Variants in CA10 observed in about 807,000 individuals in gnomAD.
CA10 encodes the protein carbonic anhydrase 10 (inactive).
A neutral mutation model predicts 44.2 loss-of-function variants in CA10; 14 were observed. The ratio of observed to expected loss-of-function variants is 0.32; its 90% CI spans 0.21 to 0.50. CA10 has a LOEUF of 0.50. CA10 is among the 20% of genes least tolerant of loss of function. CA10 has a pLI of 0.99. For missense variants in CA10, 350 were observed against 409.7 expected (o/e 0.85, Z 1.26); for synonymous variants, 159 against 141.6 (o/e 1.12, Z -0.87).
At chr17:51,804,378 T>C (rs955853257) in intron 3 of CA10, among the ~76,000 whole-genome samples, 5 of 152,216 alleles carry the variant, frequency 3.3e-5, no homozygotes, top group Non-Finnish European at 5.9e-5. Flanking sequence ...TGCTGCTCGC[T>C]TACTGAGCTC....
At chr17:52,153,263 T>C (rs1989740528) in intron 1 of CA10, among the ~76,000 whole-genome samples, 1 of 152,168 alleles carries the variant, frequency 6.6e-6, no homozygotes, top group Non-Finnish European at 1.5e-5. Context: ...CATGGGAAAC[T>C]GGATTTAAAG....
chr17:52,146,450 G>T (rs541338162), intron 1 of CA10, among the ~76,000 whole-genome samples: 1 of 152,036 alleles, frequency 6.6e-6, no homozygotes, highest in Non-Finnish European at 1.5e-5. Flanking sequence ...CAGCACTTTG[G>T]GAGGCTGAGG....
chr17:51,820,550 T>A (rs538988426), intron 3 of CA10, among the ~76,000 whole-genome samples: 2 of 152,034 alleles, frequency 1.3e-5, no homozygotes, highest in African/African-American at 4.8e-5. Flanking sequence ...ACCCATTTCC[T>A]GTATTCTGAA....
At chr17:51,949,678 T>A (rs1411260771) in intron 2 of CA10, among the ~76,000 whole-genome samples, 1 of 152,120 alleles carries the variant, frequency 6.6e-6, no homozygotes, top group Non-Finnish European at 1.5e-5. Context: ...CAGAGTCTTA[T>A]AAAGCAGGAG....
intron 3 of CA10, among the ~76,000 whole-genome samples, chr17:51,822,738 T>C (rs1555603158): frequency 6.6e-6 from 1 of 152,214 alleles, no homozygotes; most frequent in Non-Finnish European, 1.5e-5. Flanking sequence ...GACTTGGTCA[T>C]GGGTCCCTCT....
chr17:51,677,396 C>G (rs75659221), intron 4 of CA10, among the ~76,000 whole-genome samples: 6 of 151,972 alleles, frequency 3.9e-5, no homozygotes, highest in Non-Finnish European at 7.4e-5. Flanking sequence ...TGCTCTTCCT[C>G]CTGCTCCAGC....
chr17:52,147,508 C>G (rs1168175519), intron 1 of CA10, among the ~76,000 whole-genome samples: 1 of 147,494 alleles, frequency 6.8e-6, no homozygotes, highest in Admixed American at 6.7e-5. Flanking sequence ...AAAAAAAAAG[C>G]CTGCACTAAC....
Position 51,837,835 on chromosome 17 carries a change from G to A in CA10, c.280-90017C>T, listed in dbSNP as rs565289308. Among the ~76,000 whole-genome samples, 5 of 152,242 alleles carry A rather than the reference G, an allele frequency of 3.3e-5. No homozygotes were observed. The South Asian group carries it at 6.2e-4, about 19-fold the overall frequency. On this transcript the variant is annotated intron_variant, in intron 3 of 8. Coordinates refer to ENST00000451037, the MANE Select transcript of CA10 (RefSeq NM_020178.5). ...GTCCATGGGAGGCTAGATATTTGGA[G>A]TTTCAAATCAGTTAATTACCTAATA...
intron 1 of CA10, among the ~76,000 whole-genome samples, chr17:52,132,011 G>C (rs967249138): frequency 1.3e-5 from 2 of 151,970 alleles, no homozygotes; most frequent in African/African-American, 4.8e-5. Context: ...GGACTGTTGT[G>C]GGGTGGGGGA....
intron 3 of CA10, among the ~76,000 whole-genome samples, chr17:51,831,368 A>C (rs1397793156): frequency 6.6e-6 from 1 of 152,194 alleles, no homozygotes; most frequent in Non-Finnish European, 1.5e-5. Flanking sequence ...ACTACAGTGG[A>C]TGCTGTTGTT....
At chr17:52,005,945 G>GA (rs943954150) in intron 2 of CA10, among the ~76,000 whole-genome samples, 2 of 151,696 alleles carry the variant, frequency 1.3e-5, no homozygotes, top group East Asian at 1.9e-4. Flanking sequence ...GCAAAAAGAT[G>GA]AAAAAAAGAC....
intron 3 of CA10, among the ~76,000 whole-genome samples, chr17:51,865,153 T>C (rs1979488084): frequency 6.6e-6 from 1 of 152,180 alleles, no homozygotes; most frequent in Non-Finnish European, 1.5e-5. Context: ...ATTGCATTTA[T>C]TCTACTGCAC....
At chr17:51,961,386 A>G (rs1240971558) in intron 2 of CA10, among the ~76,000 whole-genome samples, 1 of 152,150 alleles carries the variant, frequency 6.6e-6, no homozygotes, top group Non-Finnish European at 1.5e-5. Context: ...CTAGGTTTCC[A>G]TATTAAAATA....
chr17:52,097,747 G>GT (rs112464727), intron 1 of CA10, among the ~76,000 whole-genome samples: 2,520 of 152,268 alleles, frequency 0.017, 48 homozygotes, highest in Middle Eastern at 0.051. Flanking sequence ...AGGAGACACA[G>GT]TTTGATAGAG....
At chr17:51,664,184 A>G (rs1195076282) in intron 4 of CA10, among the ~76,000 whole-genome samples, 1 of 152,190 alleles carries the variant, frequency 6.6e-6, no homozygotes, top group East Asian at 1.9e-4. Context: ...TTAAGGCAAG[A>G]ATTATTTTTG....
chr17:52,145,237 A>G (rs1455557401), intron 1 of CA10, among the ~76,000 whole-genome samples: 1 of 152,188 alleles, frequency 6.6e-6, no homozygotes, highest in African/African-American at 2.4e-5. Context: ...AGATCTTCCT[A>G]TATTTTCATC....
At chr17:52,114,412 T>TTATCCATCTCAG (rs1988847832) in intron 1 of CA10, among the ~76,000 whole-genome samples, 1 of 152,208 alleles carries the variant, frequency 6.6e-6, no homozygotes, top group South Asian at 2.1e-4. Flanking sequence ...AGCAAATTGC[T>TTATCCATCTCAG]TATCCATCCA....
chr17:51,762,188 G>A (rs1905233863), intron 3 of CA10: 1 of 152,248 alleles, frequency 6.6e-6, no homozygotes, highest in Non-Finnish European at 1.5e-5. Context: ...AGATCTGTAA[G>A]TGTAATAGAT....
At chr17:51,849,972 G>A (rs1312225166) in intron 3 of CA10, among the ~76,000 whole-genome samples, 1 of 152,180 alleles carries the variant, frequency 6.6e-6, no homozygotes, top group African/African-American at 2.4e-5. Flanking sequence ...TGCCAAACTG[G>A]GGTCTTTAGA....
Sources: gnomAD v4.1 joint callset for allele counts (sites outside exome capture counted in the v4.1 genomes callset) on GRCh38, gnomAD v4.1.1 for gene constraint, MANE v1.5 for transcripts, NCBI Gene and HGNC (gene_info 2026-07-23, HGNC 2026-07-21) for gene names.